The following CPNE8 variants were observed in gnomAD, a reference collection of about 807,000 sequenced individuals.
The protein encoded by CPNE8 is copine-8.
Under a neutral mutation model 81.5 loss-of-function variants are expected in CPNE8, and 45 were observed. The observed-to-expected ratio is 0.55, with a 90% CI of 0.44 to 0.71. CPNE8 has a LOEUF of 0.71. Among genes scored for constraint, CPNE8 ranks in the 30% least tolerant of loss-of-function variants. The pLI is 0.00. For synonymous variants in CPNE8, 252 were observed against 226.3 expected (o/e 1.11, Z -1.02); for missense variants, 594 against 672.1 (o/e 0.88, Z 1.28).
intron 11 of CPNE8, chr12:38,726,634 A>C (rs1452375186): frequency 6.6e-6 from 1 of 152,242 alleles, no homozygotes; most frequent in Non-Finnish European, 1.5e-5. Context: ...AAATTAATTC[A>C]ATCAAAAGTT....
At chr12:38,809,143 T>G (rs1942883016) in intron 6 of CPNE8, among the ~76,000 whole-genome samples, 1 of 152,188 alleles carries the variant, frequency 6.6e-6, no homozygotes, top group Non-Finnish European at 1.5e-5. Context: ...GTTTAGCAGC[T>G]AAAATAATGC....
intron 19 of CPNE8, among the ~76,000 whole-genome samples, chr12:38,670,279 T>C (rs1328716233): frequency 6.6e-6 from 1 of 152,198 alleles, no homozygotes; most frequent in Non-Finnish European, 1.5e-5. Context: ...GCTTTTTTTC[T>C]GACATCCTAA....
intron 7 of CPNE8, among the ~76,000 whole-genome samples, chr12:38,774,827 C>T (rs1477661893): frequency 6.6e-6 from 1 of 152,048 alleles, no homozygotes; most frequent in South Asian, 2.1e-4. Context: ...ACTGATATGA[C>T]CGTGACATGC....
chr12:38,871,409 C>T (rs1029420364), intron 3 of CPNE8, among the ~76,000 whole-genome samples: 9 of 152,182 alleles, frequency 5.9e-5, no homozygotes, highest in African/African-American at 2.2e-4. Context: ...TCTAGCCTGG[C>T]ATCTATGGTC....
At chr12:38,663,347 C>A (rs757109950) in intron 19 of CPNE8, among the ~76,000 whole-genome samples, 6 of 151,664 alleles carry the variant, frequency 4.0e-5, no homozygotes, top group South Asian at 2.1e-4. Flanking sequence ...GGACAAGTGA[C>A]CTAAATAGAT....
chr12:38,844,966 A>C (rs570767339), intron 4 of CPNE8, among the ~76,000 whole-genome samples: 5 of 152,242 alleles, frequency 3.3e-5, no homozygotes, highest in Non-Finnish European at 4.4e-5. Flanking sequence ...ACATTACTAC[A>C]GTGAAAATTG....
intron 19 of CPNE8, among the ~76,000 whole-genome samples, chr12:38,666,673 G>A (rs184417588): frequency 1.3e-5 from 2 of 152,276 alleles, no homozygotes; most frequent in Admixed American, 1.3e-4. Flanking sequence ...AAAGTACAGT[G>A]TGTTTGTCTG....
chr12:38,805,495 A>T (rs1318449179), intron 6 of CPNE8, among the ~76,000 whole-genome samples: 2 of 96,944 alleles, frequency 2.1e-5, no homozygotes, highest in South Asian at 9.1e-4. Flanking sequence ...GGAATATCAC[A>T]CTCTGGGGAC....
At chr12:38,817,348 G>C (rs1373831236) in intron 6 of CPNE8, among the ~76,000 whole-genome samples, 2 of 152,060 alleles carry the variant, frequency 1.3e-5, no homozygotes, top group African/African-American at 2.4e-5. Context: ...CCTATATTTA[G>C]ACTGTCTTGG....
intron 6 of CPNE8, among the ~76,000 whole-genome samples, chr12:38,818,051 T>C (rs1943055716): frequency 6.6e-6 from 1 of 152,158 alleles, no homozygotes; most frequent in African/African-American, 2.4e-5. Context: ...ATGAAATGGG[T>C]ATAATAACAG....
intron 3 of CPNE8, among the ~76,000 whole-genome samples, chr12:38,855,190 G>A (rs117219665): frequency 2.6e-5 from 4 of 151,290 alleles, no homozygotes; most frequent in Non-Finnish European, 4.4e-5. Flanking sequence ...TAACCAAAAA[G>A]GTGGAAAATC....
intron 14 of CPNE8, 137 bp downstream of exon 14, chr12:38,702,738 G>GA: frequency 4.2e-6 from 2 of 481,742 alleles, no homozygotes; most frequent in East Asian, 3.6e-5. Context: ...TAAAAAGAAA[G>GA]AAAAAATTAT....
intron 8 of CPNE8, among the ~76,000 whole-genome samples, chr12:38,765,255 T>C (rs1387938677): frequency 6.6e-6 from 1 of 152,188 alleles, no homozygotes; most frequent in Non-Finnish European, 1.5e-5. Flanking sequence ...CATTCAGAAA[T>C]ATTTCTATAT....
At chr12:38,841,925 G>A (rs1262441353) in intron 4 of CPNE8, among the ~76,000 whole-genome samples, 43 of 151,972 alleles carry the variant, frequency 2.8e-4, no homozygotes, top group Non-Finnish European at 1.5e-5. Flanking sequence ...TTTTAAATAA[G>A]GAGGAAGTTA....
At chr12:38,740,579 A>C (rs569383401) in intron 10 of CPNE8, among the ~76,000 whole-genome samples, 4 of 152,106 alleles carry the variant, frequency 2.6e-5, no homozygotes, top group African/African-American at 4.8e-5. Flanking sequence ...TCAATACCTA[A>C]TTGACAGTTT....
chr12:38,887,221 A>G (rs1012436163), intron 1 of CPNE8, among the ~76,000 whole-genome samples: 2 of 152,174 alleles, frequency 1.3e-5, no homozygotes, highest in African/African-American at 4.8e-5. Flanking sequence ...GGAGGCAGAC[A>G]GATAGGAAGA....
chr12:38,723,330 G>C (rs934809723), intron 13 of CPNE8, among the ~76,000 whole-genome samples: 2 of 151,914 alleles, frequency 1.3e-5, no homozygotes, highest in Non-Finnish European at 2.9e-5. Flanking sequence ...TCTGAGAGCT[G>C]TGGGACCAAC....
intron 19 of CPNE8, among the ~76,000 whole-genome samples, chr12:38,666,201 G>C (rs1939053578): frequency 6.6e-6 from 1 of 152,096 alleles, no homozygotes; most frequent in Admixed American, 6.6e-5. Context: ...GAATTGATTA[G>C]CCACTTCAGT....
intron 11 of CPNE8, chr12:38,726,605 T>C (rs566650973): frequency 1.9e-4 from 29 of 152,286 alleles, no homozygotes; most frequent in South Asian, 6.2e-4. Context: ...CTGAACAATA[T>C]ATAGGAAATC....
Sources: gnomAD v4.1 joint callset for allele counts (sites outside exome capture counted in the v4.1 genomes callset) on GRCh38, gnomAD v4.1.1 for gene constraint, MANE v1.5 for transcripts, NCBI Gene and HGNC (gene_info 2026-07-23, HGNC 2026-07-21) for gene names.